DAB1: variants seen among roughly 807,000 people sequenced by gnomAD.
The protein encoded by DAB1 is DAB adaptor protein 1, also known as disabled homolog 1.
In DAB1, 15 loss-of-function variants were observed where a neutral mutation model predicts 64.6. That is an observed-to-expected ratio of 0.23 (90% CI 0.16 to 0.36). DAB1 has a LOEUF of 0.36. Among genes scored for constraint, DAB1 ranks in the 10% least tolerant of loss-of-function variants. The probability of loss-of-function intolerance (pLI) is 1.00; values close to 1 mark genes in which losing one functional copy is unlikely to be tolerated. For missense variants in DAB1, 596 were observed against 706.7 expected (o/e 0.84, Z 1.78); for synonymous variants, 235 against 251.9 (o/e 0.93, Z 0.64).
chr1:57,821,223 G>A (rs1250280861), downstream of DAB1, among the ~76,000 whole-genome samples: 1 of 152,080 alleles, frequency 6.6e-6, no homozygotes, highest in Non-Finnish European at 1.5e-5. Flanking sequence ...ATTAAGATGT[G>A]AAGTTTCAGC....
intron 9 of DAB1, among the ~76,000 whole-genome samples, chr1:57,035,955 G>A (rs768893359): frequency 2.1e-5 from 3 of 142,178 alleles, no homozygotes; most frequent in Non-Finnish European, 4.5e-5. Context: ...TGATTCTCCT[G>A]CCTCAGCCTC....
At chr1:57,710,346 A>G (rs1356565105) in intron 6 of DAB1, among the ~76,000 whole-genome samples, 6 of 152,184 alleles carry the variant, frequency 3.9e-5, no homozygotes, top group African/African-American at 1.4e-4. Flanking sequence ...AATAGTATAC[A>G]ATAAAATCTC....
chr1:57,905,923 C>T (rs1473487173), intron 5 of DAB1, among the ~76,000 whole-genome samples: 1 of 152,324 alleles, frequency 6.6e-6, no homozygotes, highest in Non-Finnish European at 1.5e-5. Flanking sequence ...GAATTCATTA[C>T]ATTTAGCCAA....
Position 58,040,916 on chromosome 1 carries a change from G to C in DAB1, n.387+109595C>G, listed in dbSNP as rs186652225. Among the ~76,000 whole-genome samples the C allele has an allele frequency of 3.3e-5, 5 of 152,238 alleles. No homozygotes were observed. The East Asian group carries it at 9.6e-4, about 29-fold the overall frequency. On this transcript the variant is annotated intron_variant and non_coding_transcript_variant, in intron 5 of 20. Transcript: ENST00000485760. ...AATTGTGTCCAACCTCCTAAAGGTT[G>C]CACCTGGGACCCCGGGGATTGGCTC...
intron 5 of DAB1, among the ~76,000 whole-genome samples, chr1:58,042,176 GTACT>G (rs1647146750): frequency 6.6e-6 from 1 of 152,214 alleles, no homozygotes; most frequent in African/African-American, 2.4e-5. Context: ...CTTATTTAAT[GTACT>G]TACTTCTGAC....
rs373343331 is a variant in DAB1, at chr1:57,406,032, C to T, written c.-137+17898G>A. Among the ~76,000 whole-genome samples the T allele has an allele frequency of 1.1e-4, 16 of 152,300 alleles. No homozygotes were observed. In the East Asian group the frequency reaches 1.4e-3, roughly 13 times the overall value. ...TCATTTCCCCTGGTTCCTGCCACCC[C>T]GCCACTTTATGATCCATTCATACCA... On this transcript the variant is annotated intron_variant, in intron 1 of 14. Transcript: ENST00000371236.
Position 57,930,005 on chromosome 1 carries a change from C to T in DAB1, n.388-45843G>A, listed in dbSNP as rs538453033. On this transcript the variant is annotated intron_variant and non_coding_transcript_variant, in intron 5 of 20. Transcript: ENST00000485760. The stretch of plus-strand genomic sequence containing the variant: ...GAGGGAACAAACATTTAAACCATTA[C>T]ATGAAGCTTTATAGTTGTGAATTTT... 3.0e-4 allele frequency among the ~76,000 whole-genome samples: 45 copies of T among 152,294 alleles called. 2 individuals are homozygous for T. In the South Asian group the frequency reaches 8.7e-3, roughly 30 times the overall value.
intron 4 of DAB1, among the ~76,000 whole-genome samples, chr1:57,093,495 T>TA (rs376520107): frequency 0.017 from 2,520 of 148,596 alleles, 82 homozygotes; most frequent in African/African-American, 0.059. Flanking sequence ...TTTCTTCATC[T>TA]AAAAAAAAAA....
At chr1:57,832,444 G>A (rs1652630134) in intron 1 of DAB1, among the ~76,000 whole-genome samples, 1 of 152,202 alleles carries the variant, frequency 6.6e-6, no homozygotes, top group South Asian at 2.1e-4. Flanking sequence ...GGGATGTCTG[G>A]GCCCTAGATG....
At chr1:57,604,322 T>C (rs1379586287) in intron 7 of DAB1, among the ~76,000 whole-genome samples, 1 of 152,048 alleles carries the variant, frequency 6.6e-6, no homozygotes, top group Non-Finnish European at 1.5e-5. Flanking sequence ...CTCCATGAGA[T>C]TATGTAGGTG....
chr1:57,767,509 A>G (rs189116891), intron 6 of DAB1, among the ~76,000 whole-genome samples: 2 of 152,162 alleles, frequency 1.3e-5, no homozygotes, highest in African/African-American at 4.8e-5. Context: ...TATGTCTCTT[A>G]TCTCTACAGT....
intron 5 of DAB1, among the ~76,000 whole-genome samples, chr1:58,000,852 C>T (rs1449554850): frequency 6.6e-6 from 1 of 151,632 alleles, no homozygotes; most frequent in Non-Finnish European, 1.5e-5. Flanking sequence ...ATTACAGGTA[C>T]GAGCCACCAC....
At chr1:58,321,254 C>T (rs1282364456) in intron 4 of DAB1, among the ~76,000 whole-genome samples, 1 of 152,256 alleles carries the variant, frequency 6.6e-6, no homozygotes, top group Admixed American at 6.5e-5. Flanking sequence ...CTTCCTTCCT[C>T]TTTATGCTGC....
At chr1:58,284,645 G>A (rs1190983812) in intron 4 of DAB1, among the ~76,000 whole-genome samples, 1 of 152,254 alleles carries the variant, frequency 6.6e-6, no homozygotes, top group Non-Finnish European at 1.5e-5. Flanking sequence ...GTGAGATGGA[G>A]CGTTATTCCT....
chr1:57,454,958 A>G (rs573683659), intron 7 of DAB1, among the ~76,000 whole-genome samples: 16 of 152,266 alleles, frequency 1.1e-4, no homozygotes, highest in Admixed American at 2.6e-4. Context: ...GCTTTAATAA[A>G]GATACATGAA....
chr1:57,301,922 T>C (rs1165216024), intron 1 of DAB1, among the ~76,000 whole-genome samples: 1 of 152,146 alleles, frequency 6.6e-6, no homozygotes, highest in Non-Finnish European at 1.5e-5. Flanking sequence ...ACCTTCTCCT[T>C]CTGGAGGGAA....
At chr1:57,679,064 C>G (rs1279244000) in intron 6 of DAB1, among the ~76,000 whole-genome samples, 1 of 152,036 alleles carries the variant, frequency 6.6e-6, no homozygotes, top group Non-Finnish European at 1.5e-5. Context: ...AACCACCGCA[C>G]CTGGCCACCT....
At chr1:58,170,862 A>G (rs1656130105) in intron 4 of DAB1, among the ~76,000 whole-genome samples, 1 of 152,136 alleles carries the variant, frequency 6.6e-6, no homozygotes, top group South Asian at 2.1e-4. Context: ...GTGCCAGCTC[A>G]TGTCATCACC....
intron 5 of DAB1, among the ~76,000 whole-genome samples, chr1:58,095,649 C>T (rs1318754950): frequency 6.6e-6 from 1 of 152,180 alleles, no homozygotes; most frequent in African/African-American, 2.4e-5. Context: ...CCAAGGAATT[C>T]TTCCTGACGG....
Sources: gnomAD v4.1 joint callset for allele counts (sites outside exome capture counted in the v4.1 genomes callset) on GRCh38, gnomAD v4.1.1 for gene constraint, MANE v1.5 for transcripts, NCBI Gene and HGNC (gene_info 2026-07-23, HGNC 2026-07-21) for gene names.